Variants in SRGAP1 observed in about 807,000 individuals in gnomAD.
The protein encoded by SRGAP1 is SLIT-ROBO Rho GTPase activating protein 1.
In SRGAP1, 43 loss-of-function variants were observed where a neutral mutation model predicts 121.9. That is an observed-to-expected ratio of 0.35 (90% CI 0.28 to 0.46). SRGAP1 has a LOEUF of 0.46. Among genes scored for constraint, SRGAP1 ranks in the 20% least tolerant of loss-of-function variants. The pLI is 1.00. For missense variants in SRGAP1, 1,102 were observed against 1,350.9 expected, an observed-to-expected ratio of 0.82 and a Z score of 2.89; for synonymous variants, 447 against 485.4, an observed-to-expected ratio of 0.92 and a Z score of 1.04.
chr12:64,143,106 C>T lies in SRGAP1; in HGVS notation c.*434C>T, dbSNP rs563824993. The T allele has an allele frequency of 3.5e-5, 6 of 169,494 alleles. No homozygotes were observed. The South Asian group carries it at 8.9e-4, about 25-fold the overall frequency. The allele number at this position is 169,494 out of a possible 1,614,324, so 10.5% of individuals were successfully genotyped here. A position where few individuals can be genotyped will look rare whatever the true frequency, so the allele number is the denominator to read the frequency against. On this transcript the variant is annotated 3_prime_UTR_variant, in exon 22 of 22. Transcript: ENST00000355086. ...CACTTGGGCTGAAAGGTGATAATGG[C>T]ATTGCGTGGTAGCTGACAATGAGCA...
chr12:64,091,950 G>A (rs1201170268), intron 12 of SRGAP1: 39 of 1,532,492 alleles, frequency 2.5e-5, no homozygotes, highest in Non-Finnish European at 3.1e-5. Context: ...GGGACGTGAG[G>A]GTGCTCTTTC....
chr12:63,870,208 T>C (rs1899802033), intron 1 of SRGAP1, among the ~76,000 whole-genome samples: 1 of 152,220 alleles, frequency 6.6e-6, no homozygotes, highest in South Asian at 2.1e-4. Context: ...TGTGCTAACA[T>C]AAAATTGCTG....
At chr12:63,925,361 A>G (rs2031219961) in intron 1 of SRGAP1, among the ~76,000 whole-genome samples, 1 of 152,200 alleles carries the variant, frequency 6.6e-6, no homozygotes, top group African/African-American at 2.4e-5. Context: ...GAGATGTATA[A>G]TGTCTTAATT....
rs2037114719 is a variant in SRGAP1 at position 64,150,962 on chromosome 12, A to AAAAAAAAAAAAAAAAAAAAAAT, written c.*8290_*8291insAAAAAAAAAAAAAAAAAAAAAT. The stretch of plus-strand genomic sequence containing the variant: ...AAAAAAAAAAAAAAAAAAAAAAAAC[A>AAAAAAAAAAAAAAAAAAAAAAT]TGGTCAAGATTTGTAATAGAAATTG... On this transcript the variant is annotated 3_prime_UTR_variant, in exon 22 of 22. Coordinates refer to ENST00000355086, the MANE Select transcript of SRGAP1 (RefSeq NM_020762.4). The AAAAAAAAAAAAAAAAAAAAAAT allele has an allele frequency of 6.9e-6, 1 of 145,446 alleles. No individual in the cohort carries two copies. Among genetic ancestry groups the AAAAAAAAAAAAAAAAAAAAAAT allele is most frequent in the Non-Finnish European group, 1.5e-5 (1 of 66,422 alleles). The allele number at this position is 145,446 out of a possible 1,614,324, so 9.0% of individuals were successfully genotyped here.
In SRGAP1 at chr12:64,147,477, C is replaced by G. The variant is rs2037072078; in HGVS notation, c.*4805C>G. ...CTCGGTGCTCAGTAATGTCCCATCT[C>G]ACCTCCCTGTCGGTCCTCAGACTGT... On this transcript the variant is annotated 3_prime_UTR_variant, in exon 22 of 22. Transcript: ENST00000355086. 5.3e-6 allele frequency: 2 copies of G among 378,800 alleles called. No individual in the cohort carries two copies. The highest frequency in any genetic ancestry group is 2.1e-5 in the African/African-American group (1 of 47,796). 23.5% of individuals were successfully genotyped at this position (378,800 alleles called of 1,614,324 possible). A position where few individuals can be genotyped will look rare whatever the true frequency, so the allele number is the denominator to read the frequency against.
chr12:64,080,379 TC>T lies in SRGAP1; in HGVS notation c.1408+11del, dbSNP rs2035815880. 6.2e-7 allele frequency: 1 copy of T among 1,606,514 alleles called. No individual in the cohort carries two copies. Among genetic ancestry groups the T allele is most frequent in the South Asian group, 1.1e-5 (1 of 90,818 alleles). On this transcript the variant is annotated intron_variant, in intron 10 of 21. Transcript: ENST00000355086. ...GAGGACCCTGGGAGAAGGTGAGTTATCCAAAATGTATGGGAAGATGACCTGG... is the reference window on the plus strand; with the variant it reads ...GAGGACCCTGGGAGAAGGTGAGTTATCAAAATGTATGGGAAGATGACCTGG...
intron 1 of SRGAP1, among the ~76,000 whole-genome samples, chr12:63,898,508 A>T (rs905434709): frequency 6.6e-6 from 1 of 152,216 alleles, no homozygotes; most frequent in African/African-American, 2.4e-5. Flanking sequence ...CTGTTCCAAT[A>T]TGGGAACTTT....
chr12:64,102,141 A>C (rs1472369383), intron 15 of SRGAP1, among the ~76,000 whole-genome samples: 1 of 152,360 alleles, frequency 6.6e-6, no homozygotes, highest in East Asian at 1.9e-4. Flanking sequence ...TAATTCCTTA[A>C]ATCATCGAAT....
At chr12:63,994,645 T>C (rs984887100) in intron 3 of SRGAP1, among the ~76,000 whole-genome samples, 2 of 152,190 alleles carry the variant, frequency 1.3e-5, no homozygotes, top group African/African-American at 2.4e-5. Context: ...ATGTAGACAA[T>C]GTAAACACAG....
At chr12:63,870,408 T>C (rs1899809507) in intron 1 of SRGAP1, among the ~76,000 whole-genome samples, 1 of 152,256 alleles carries the variant, frequency 6.6e-6, no homozygotes, top group African/African-American at 2.4e-5. Flanking sequence ...TAAATTGGAA[T>C]GAATACTCTT....
intron 1 of SRGAP1, among the ~76,000 whole-genome samples, chr12:63,920,460 C>T (rs545215611): frequency 6.6e-6 from 1 of 152,078 alleles, no homozygotes; most frequent in South Asian, 2.1e-4. Context: ...GCTAGTTCTC[C>T]TAGAACCTGG....
chr12:64,072,973 T>C (rs193109263), intron 8 of SRGAP1, among the ~76,000 whole-genome samples: 3 of 152,322 alleles, frequency 2.0e-5, no homozygotes, highest in Admixed American at 1.3e-4. Context: ...TCTTCTGGTT[T>C]CTCACGAATC....
chr12:63,890,261 C>T (rs1156620499), intron 1 of SRGAP1, among the ~76,000 whole-genome samples: 2 of 152,154 alleles, frequency 1.3e-5, no homozygotes, highest in African/African-American at 4.8e-5. Flanking sequence ...CACGCTTATA[C>T]TTTAGAAACA....
chr12:63,910,744 C>T (rs957873955), intron 1 of SRGAP1, among the ~76,000 whole-genome samples: 1 of 152,120 alleles, frequency 6.6e-6, no homozygotes, highest in Non-Finnish European at 1.5e-5. Flanking sequence ...AATATTTTCT[C>T]TTGTGCTTTT....
intron 1 of SRGAP1, among the ~76,000 whole-genome samples, chr12:63,855,130 C>T (rs1475083484): frequency 6.6e-6 from 1 of 152,128 alleles, no homozygotes; most frequent in Non-Finnish European, 1.5e-5. Flanking sequence ...ATCTTTGCCC[C>T]ATTATTAAGT....
intron 1 of SRGAP1, among the ~76,000 whole-genome samples, chr12:63,958,890 C>G (rs1277252980): frequency 1.3e-5 from 2 of 152,192 alleles, no homozygotes; most frequent in African/African-American, 2.4e-5. Context: ...GTCTATTCAT[C>G]AAGTCCCATT....
chr12:63,873,683 T>A (rs960511217), intron 1 of SRGAP1, among the ~76,000 whole-genome samples: 1 of 151,982 alleles, frequency 6.6e-6, no homozygotes, highest in Non-Finnish European at 1.5e-5. Flanking sequence ...TTATTTATTT[T>A]TTTGAGATGG....
Position 64,139,769 on chromosome 12 carries a change from T to G in SRGAP1, c.2881-2526T>G, listed in dbSNP as rs529526102. ...AATTAGATCCCATTTGTCAATTTTGTCTTTTGTTGCCATTGCTTTTGGTGT... is the reference window on the plus strand; with the variant it reads ...AATTAGATCCCATTTGTCAATTTTGGCTTTTGTTGCCATTGCTTTTGGTGT... On this transcript the variant is annotated intron_variant, in intron 21 of 21. Coordinates refer to ENST00000355086, the MANE Select transcript of SRGAP1 (RefSeq NM_020762.4). 2.1e-3 allele frequency among the ~76,000 whole-genome samples: 316 copies of G among 152,110 alleles called. 1 individual carries two copies. Among genetic ancestry groups the G allele is most frequent in the Non-Finnish European group, 3.3e-3 (223 of 67,976 alleles).
intron 1 of SRGAP1, among the ~76,000 whole-genome samples, chr12:63,902,511 A>G (rs966273015): frequency 6.6e-5 from 10 of 152,218 alleles, no homozygotes; most frequent in African/African-American, 2.4e-4. Context: ...ACAGTTACCC[A>G]TAATCATGCT....
Sources: allele counts gnomAD v4.1 joint callset (sites outside exome capture counted in the v4.1 genomes callset), GRCh38; gene constraint gnomAD v4.1.1; transcripts MANE v1.5; gene names NCBI Gene and HGNC (gene_info 2026-07-23, HGNC 2026-07-21).